GRIP1: variants seen among roughly 807,000 people sequenced by gnomAD.
The protein encoded by GRIP1 is glutamate receptor interacting protein 1, also known as glutamate receptor-interacting protein 1.
In GRIP1, 45 loss-of-function variants were observed where a neutral mutation model predicts 129.9. The observed-to-expected ratio is 0.35, with a 90% confidence interval of 0.27 to 0.44. GRIP1 has a LOEUF of 0.44. Among genes scored for constraint, GRIP1 ranks in the 20% least tolerant of loss-of-function variants. GRIP1 has a pLI of 1.00. For synonymous variants in GRIP1, 530 were observed against 520.8 expected (o/e 1.02, Z -0.24); for missense variants, 1,196 against 1,396.8 (o/e 0.86, Z 2.29).
At chr12:66,674,777 C>G (rs1017504880) in intron 1 of GRIP1, among the ~76,000 whole-genome samples, 2 of 152,100 alleles carry the variant, frequency 1.3e-5, no homozygotes, top group Non-Finnish European at 2.9e-5. Context: ...TGATCACAAC[C>G]CAGCCTTTTA....
chr12:66,419,074 G>A (rs1469077398), intron 15 of GRIP1, among the ~76,000 whole-genome samples: 1 of 152,060 alleles, frequency 6.6e-6, no homozygotes, highest in Non-Finnish European at 1.5e-5. Flanking sequence ...TGGATAAAAG[G>A]AATGTGGTAC....
intron 1 of GRIP1, among the ~76,000 whole-genome samples, chr12:67,036,732 C>A (rs901964775): frequency 1.1e-4 from 17 of 152,098 alleles, no homozygotes; most frequent in African/African-American, 3.1e-4. Context: ...ATCCTCCACT[C>A]CTCTGGCAGC....
intron 1 of GRIP1, among the ~76,000 whole-genome samples, chr12:66,650,279 G>A (rs889266610): frequency 6.6e-6 from 1 of 152,108 alleles, no homozygotes; most frequent in South Asian, 2.1e-4. Flanking sequence ...TATGCCACCT[G>A]TATCTCAGGC....
At chr12:66,670,175 C>G (rs2034008872) in intron 1 of GRIP1, among the ~76,000 whole-genome samples, 1 of 152,170 alleles carries the variant, frequency 6.6e-6, no homozygotes, top group South Asian at 2.1e-4. Flanking sequence ...AGCTGAGATG[C>G]TCAGAACATT....
At chr12:66,540,027 A>G (rs556125966) in intron 3 of GRIP1, among the ~76,000 whole-genome samples, 1 of 152,316 alleles carries the variant, frequency 6.6e-6, no homozygotes, top group South Asian at 2.1e-4. Context: ...TCCAGCTCCA[A>G]TCATTCCTCC....
chr12:67,001,790 T>C (rs936531078), intron 1 of GRIP1, among the ~76,000 whole-genome samples: 5 of 152,182 alleles, frequency 3.3e-5, no homozygotes, highest in African/African-American at 1.2e-4. Context: ...AGTCTGTGAC[T>C]CTCTCATAGA....
At chr12:66,781,978 T>G (rs1203322434) in intron 1 of GRIP1, among the ~76,000 whole-genome samples, 1 of 152,186 alleles carries the variant, frequency 6.6e-6, no homozygotes, top group East Asian at 1.9e-4. Context: ...TTATATAAAC[T>G]TCAAAAACAT....
In GRIP1 at chr12:66,718,500, G is replaced by T. The variant is rs375757081; in HGVS notation, c.-420+85553C>A. On this transcript the variant is annotated intron_variant, in intron 1 of 4. Transcript: ENST00000538373. Reference sequence around the variant, plus strand: ...TATTTCCATGATCAATTAAGTTTGAGAAGCAGTTGGATAACCAAAGGTAAG... The same window carrying T: ...TATTTCCATGATCAATTAAGTTTGATAAGCAGTTGGATAACCAAAGGTAAG... 4.6e-5 allele frequency among the ~76,000 whole-genome samples: 7 copies of T among 152,266 alleles called. No individual in the cohort carries two copies. The East Asian group carries it at 9.6e-4, about 21-fold the overall frequency.
At chr12:67,065,737 C>A (rs919851593) in intron 1 of GRIP1, among the ~76,000 whole-genome samples, 3 of 152,108 alleles carry the variant, frequency 2.0e-5, no homozygotes, top group Non-Finnish European at 4.4e-5. Context: ...AGGTATGGTA[C>A]CGGCAAAAGA....
At chr12:66,652,217 C>T (rs963129814) in intron 1 of GRIP1, among the ~76,000 whole-genome samples, 3 of 152,074 alleles carry the variant, frequency 2.0e-5, no homozygotes, top group African/African-American at 4.8e-5. Flanking sequence ...CCCCACATGT[C>T]GAGGGAGGGA....
chr12:66,542,306 A>C (rs2061808744), intron 2 of GRIP1, among the ~76,000 whole-genome samples: 1 of 152,228 alleles, frequency 6.6e-6, no homozygotes, highest in Non-Finnish European at 1.5e-5. Context: ...TGTAAAGTAC[A>C]GAATTAGAAC....
chr12:66,518,174 A>G (rs1317436711), intron 5 of GRIP1, among the ~76,000 whole-genome samples, 198 bp from the exon 6 acceptor site: 1 of 152,170 alleles, frequency 6.6e-6, no homozygotes, highest in Admixed American at 6.5e-5. Context: ...CCATTTCTCC[A>G]TCTTTCAATA....
At chr12:66,581,972 G>A (rs1267794064) in intron 2 of GRIP1, among the ~76,000 whole-genome samples, 5 of 152,216 alleles carry the variant, frequency 3.3e-5, no homozygotes, top group East Asian at 1.9e-4. Flanking sequence ...TTTTAGACCC[G>A]TATCCTTGAT....
At chr12:66,998,349 T>G (rs1241095518) in intron 1 of GRIP1, among the ~76,000 whole-genome samples, 1 of 152,146 alleles carries the variant, frequency 6.6e-6, no homozygotes, top group Admixed American at 6.6e-5. Context: ...AATTTCTGTT[T>G]GAAGGTTAGA....
chr12:66,463,411 A>G (rs539300095), intron 8 of GRIP1, among the ~76,000 whole-genome samples: 2 of 152,278 alleles, frequency 1.3e-5, no homozygotes, highest in East Asian at 3.9e-4. Flanking sequence ...AAAAACAGGA[A>G]AATGTTTCCC....
At chr12:67,049,938 C>T (rs1196706447) in intron 1 of GRIP1, among the ~76,000 whole-genome samples, 1 of 147,286 alleles carries the variant, frequency 6.8e-6, no homozygotes, top group Non-Finnish European at 1.5e-5. Context: ...TTTTAATTGG[C>T]ATTTCTTTGC....
At chr12:66,547,943 A>G (rs749046085) in intron 2 of GRIP1, among the ~76,000 whole-genome samples, 18 of 152,174 alleles carry the variant, frequency 1.2e-4, no homozygotes, top group Non-Finnish European at 2.9e-5. Flanking sequence ...TTTCTATATT[A>G]TTTTCTACAA....
intron 2 of GRIP1, 72 bp from the exon 3 acceptor site, chr12:66,542,022 G>T: frequency 7.2e-7 from 1 of 1,384,500 alleles, no homozygotes; most frequent in Non-Finnish European, 1.0e-6. Flanking sequence ...CTCCCCAGAA[G>T]TTCTTTCCAC....
At position 66,774,939 on chromosome 12, in the gene GRIP1, G is replaced by A. The variant is rs960261397; in HGVS notation, c.-420+29114C>T. Among the ~76,000 whole-genome samples, 44 of 152,106 alleles carry A rather than the reference G, an allele frequency of 2.9e-4. 1 individual carries two copies. Among genetic ancestry groups the A allele is most frequent in the South Asian group, 2.1e-4 (1 of 4,826 alleles). On this transcript the variant is annotated intron_variant, in intron 1 of 4. Coordinates refer to the GRIP1 transcript ENST00000538373. ...AAAGAGGGGGAGGGGGAGAATACAG[G>A]TACTTGGGGCTGTCTCTTACACAGA...
Sources: allele counts gnomAD v4.1 joint callset (sites outside exome capture counted in the v4.1 genomes callset), GRCh38; gene constraint gnomAD v4.1.1; transcripts MANE v1.5; gene names NCBI Gene and HGNC (gene_info 2026-07-23, HGNC 2026-07-21).